The following NT5DC3 variants were observed in gnomAD, a reference collection of about 807,000 sequenced individuals.
The protein encoded by NT5DC3 is 5'-nucleotidase domain containing 3.
Under a neutral mutation model 67.8 loss-of-function variants are expected in NT5DC3, and 42 were observed. The observed-to-expected ratio is 0.62, with a 90% CI of 0.48 to 0.80. The LOEUF is 0.80. Among genes scored for constraint, NT5DC3 ranks in the 30% least tolerant of loss-of-function variants. The pLI is 0.00. For synonymous variants in NT5DC3, 237 were observed against 255.6 expected, an observed-to-expected ratio of 0.93 and a Z score of 0.69; for missense variants, 570 against 696.4, an observed-to-expected ratio of 0.82 and a Z score of 2.04.
chr12:103,763,588 C>A, the NT5DC3 span: 2 of 1,614,094 alleles, frequency 1.2e-6, no homozygotes, highest in South Asian at 2.2e-5. Flanking sequence ...TCCCCCAGAA[C>A]CTTCCTACGA....
At chr12:103,778,157 T>C in intron 13 of NT5DC3, 76 bp from the exon 14 acceptor site, 1 of 1,372,298 alleles carries the variant, frequency 7.3e-7, no homozygotes, top group South Asian at 1.5e-5. Context: ...GAAATCAAAA[T>C]CACTTCTTTT....
the NT5DC3 span, chr12:103,750,431 G>A: frequency 1.8e-5 from 16 of 912,938 alleles, no homozygotes; most frequent in South Asian, 8.1e-5. Flanking sequence ...AAAGCAGGAC[G>A]TAGCAGTTAT....
chr12:103,771,447 A>T (rs1292403684), downstream of NT5DC3: 2 of 152,232 alleles, frequency 1.3e-5, no homozygotes, highest in Non-Finnish European at 2.9e-5. Context: ...TGTATCACGT[A>T]GATTTATGTG....
chr12:103,747,875 A>G, the NT5DC3 span, among the ~76,000 whole-genome samples: 1 of 151,862 alleles, frequency 6.6e-6, no homozygotes, highest in Non-Finnish European at 1.5e-5. Context: ...GGTGCCTGTA[A>G]TCCCAGCTAC....
the NT5DC3 span, among the ~76,000 whole-genome samples, chr12:103,751,074 A>T: frequency 0.092 from 13,948 of 152,278 alleles, 833 homozygotes; most frequent in East Asian, 0.24. Flanking sequence ...GCCAGAAAGG[A>T]CCCACAAACA....
chr12:103,811,169 T>G (rs1333015209), intron 2 of NT5DC3, among the ~76,000 whole-genome samples: 1 of 152,092 alleles, frequency 6.6e-6, no homozygotes, highest in Non-Finnish European at 1.5e-5. Flanking sequence ...CCCTGCAAAG[T>G]TCCCATTCTA....
the NT5DC3 span, among the ~76,000 whole-genome samples, chr12:103,748,770 T>C: frequency 6.6e-6 from 1 of 152,148 alleles, no homozygotes; most frequent in East Asian, 1.9e-4. Context: ...GCTGCATCTA[T>C]GAGGGTGTCA....
At position 103,780,525 on chromosome 12, in the gene NT5DC3, T is replaced by C. The variant is rs1470656008; in HGVS notation, c.1330-161A>G. On this transcript the variant is annotated intron_variant, in intron 12 of 13. Coordinates refer to ENST00000392876, the MANE Select transcript of NT5DC3 (RefSeq NM_001031701.3). Reference sequence around the variant, plus strand: ...ATAATACATTTTTCAGACCTTCCAGTTGAAACCCTGCCTTCTTCATGAATA... The same window carrying C: ...ATAATACATTTTTCAGACCTTCCAGCTGAAACCCTGCCTTCTTCATGAATA... 3.3e-5 allele frequency among the ~76,000 whole-genome samples: 5 copies of C among 152,226 alleles called. No homozygotes were observed. In the East Asian group the frequency reaches 5.8e-4, roughly 18 times the overall value.
chr12:103,757,530 G>A, the NT5DC3 span, among the ~76,000 whole-genome samples: 2 of 152,260 alleles, frequency 1.3e-5, no homozygotes, highest in African/African-American at 4.8e-5. Context: ...GTGGAGCAGG[G>A]CTTGGGGGGC....
At chr12:103,834,284 A>C (rs1888053324) in intron 1 of NT5DC3, among the ~76,000 whole-genome samples, 1 of 152,204 alleles carries the variant, frequency 6.6e-6, no homozygotes, top group East Asian at 1.9e-4. Context: ...TCTTGAGCTG[A>C]GTTTGATACA....
At chr12:103,746,749 A>G in the NT5DC3 span, 1 of 1,592,008 alleles carries the variant, frequency 6.3e-7, no homozygotes, top group Non-Finnish European at 8.6e-7. Context: ...ATGGTGTGGG[A>G]GAGGAGCAGG....
chr12:103,811,708 G>A (rs1400472372), intron 2 of NT5DC3, among the ~76,000 whole-genome samples: 1 of 152,166 alleles, frequency 6.6e-6, no homozygotes, highest in Non-Finnish European at 1.5e-5. Flanking sequence ...GGACTTCAGT[G>A]AATAATAATG....
Position 103,785,494 on chromosome 12 carries a change from A to C in NT5DC3, c.1189-19T>G. On this transcript the variant is annotated intron_variant, in intron 11 of 13. Transcript: ENST00000392876. ...TCAAATCCTGATCACAAAGATCACG[A>C]AAAGTCAACGTCAGTCTCAACAGAA... 6.2e-7 allele frequency: 1 copy of C among 1,613,348 alleles called. No homozygotes were observed. The highest frequency in any genetic ancestry group is 8.5e-7 in the Non-Finnish European group (1 of 1,179,312).
intron 11 of NT5DC3, 90 bp downstream of exon 11, chr12:103,787,351 T>C: frequency 1.7e-6 from 1 of 598,130 alleles, no homozygotes; most frequent in Non-Finnish European, 2.8e-6. Context: ...TATTCTTAAA[T>C]AAAAGGTACA....
downstream of NT5DC3, among the ~76,000 whole-genome samples, chr12:103,767,705 AT>A (rs1184877442): frequency 6.6e-6 from 1 of 151,986 alleles, no homozygotes; most frequent in African/African-American, 2.4e-5. Context: ...TGCAAGAGTG[AT>A]TGATTTGCAC....
chr12:103,778,058 T>A lies in NT5DC3; in HGVS notation c.1418A>T (p.Asn473Ile). 4 of 1,613,160 alleles carry A rather than the reference T, an allele frequency of 2.5e-6. No homozygotes were observed. Among genetic ancestry groups the A allele is most frequent in the Non-Finnish European group, 3.4e-6 (4 of 1,179,516 alleles). The change falls in exon 14 of 14, where the codon AAT (asparagine) becomes ATT (isoleucine). Residue 473 changes from asparagine to isoleucine, a missense_variant. Physicochemically the swap from Asn to Ile is moderately radical, Grantham distance 149 (BLOSUM62 -3). This residue lies in a region of NT5DC3 where 466 missense variants were observed against 608.0 expected (regional missense o/e 0.77). Coordinates refer to ENST00000392876, the MANE Select transcript of NT5DC3 (RefSeq NM_001031701.3). ...GCGGAACAGGCTTCCAAACTGGGCATTGAAGAAACTCTTGGTCATTTCTCT... is the reference window on the plus strand; with the variant it reads ...GCGGAACAGGCTTCCAAACTGGGCAATGAAGAAACTCTTGGTCATTTCTCT... The part of the protein sequence containing the change: ...EMREMTKSFF[N>I]AQFGSLFRTD...
the NT5DC3 span, chr12:103,763,385 A>AC: frequency 1.2e-6 from 1 of 829,064 alleles, no homozygotes; most frequent in Non-Finnish European, 2.0e-6. Flanking sequence ...CTGTTAAAAA[A>AC]GGAAAAGCTC....
chr12:103,840,374 A>ACAGCTCAGCTCAGCT (rs1221700878), intron 1 of NT5DC3, among the ~76,000 whole-genome samples: 1 of 90,892 alleles, frequency 1.1e-5, no homozygotes, highest in African/African-American at 3.5e-5. Flanking sequence ...CAAACACCGC[A>ACAGCTCAGCTCAGCT]CAGCTCATCT....
At chr12:103,780,428 A>T in intron 12 of NT5DC3, 64 bp from the exon 13 acceptor site, 1 of 1,454,666 alleles carries the variant, frequency 6.9e-7, no homozygotes, top group Non-Finnish European at 9.7e-7. Context: ...ACGTAATGAG[A>T]ATTTTTTAAT....
Sources: gnomAD v4.1 joint callset for allele counts (sites outside exome capture counted in the v4.1 genomes callset) on GRCh38, gnomAD v4.1.1 for gene constraint, gnomAD v4.1.1 regional missense constraint, MANE v1.5 for transcripts, NCBI Gene and HGNC (gene_info 2026-07-23, HGNC 2026-07-21) for gene names.